VPS54: variants seen among roughly 807,000 people sequenced by gnomAD.
The protein encoded by VPS54 is vacuolar protein sorting-associated protein 54.
A neutral mutation model predicts 121.5 loss-of-function variants in VPS54; 45 were observed. That is an observed-to-expected ratio of 0.37 (90% CI 0.29 to 0.47). VPS54 has a LOEUF of 0.47. Among genes scored for constraint, VPS54 ranks in the 20% least tolerant of loss-of-function variants. The pLI, the probability that VPS54 is intolerant of heterozygous loss-of-function variation, is 0.99. For synonymous variants in VPS54, 371 were observed against 385.8 expected, an observed-to-expected ratio of 0.96 and a Z score of 0.45; for missense variants, 1,090 against 1,131.4, an observed-to-expected ratio of 0.96 and a Z score of 0.52.
At chr2:63,941,152 T>C (rs1281003458) in intron 11 of VPS54, among the ~76,000 whole-genome samples, 2 of 152,206 alleles carry the variant, frequency 1.3e-5, no homozygotes, top group Non-Finnish European at 2.9e-5. Context: ...ACTCAAAAAA[T>C]ATCTAATTTC....
intron 10 of VPS54, among the ~76,000 whole-genome samples, chr2:63,943,213 T>C (rs1487606190): frequency 6.6e-6 from 1 of 152,208 alleles, no homozygotes; most frequent in Non-Finnish European, 1.5e-5. Context: ...ACAGAAATCA[T>C]TAACTTCAAG....
intron 20 of VPS54, among the ~76,000 whole-genome samples, chr2:63,905,384 AAAG>A (rs1022621780): frequency 6.6e-6 from 1 of 152,164 alleles, no homozygotes; most frequent in Non-Finnish European, 1.5e-5. Context: ...ACTGACATTA[AAAG>A]AATAAAAGAA....
chr2:63,940,640 G>C (rs1674679057), intron 11 of VPS54, among the ~76,000 whole-genome samples: 2 of 152,100 alleles, frequency 1.3e-5, no homozygotes, highest in Admixed American at 6.5e-5. Flanking sequence ...ATAATGATGA[G>C]TGAAAAAAAT....
intron 1 of VPS54, among the ~76,000 whole-genome samples, chr2:64,006,777 C>T (rs569260825): frequency 1.3e-5 from 2 of 152,300 alleles, no homozygotes; most frequent in African/African-American, 4.8e-5. Flanking sequence ...TGCCACCACG[C>T]CCAGCTAATT....
At chr2:63,968,915 C>G (rs370804443) in intron 5 of VPS54, 42 bp downstream of exon 5, 1 of 1,533,254 alleles carries the variant, frequency 6.5e-7, no homozygotes, top group African/African-American at 1.4e-5. Context: ...AATTAAAGAT[C>G]AAATATTATA....
intron 11 of VPS54, among the ~76,000 whole-genome samples, chr2:63,936,578 TG>T (rs1346809859): frequency 6.6e-6 from 1 of 152,116 alleles, no homozygotes; most frequent in Non-Finnish European, 1.5e-5. Context: ...TACAACAAAA[TG>T]AAATTTAAAA....
At chr2:63,919,829 AAAAT>A (rs2104449503) in intron 15 of VPS54, 50 bp downstream of exon 15, 1 of 1,343,770 alleles carries the variant, frequency 7.4e-7, no homozygotes, top group East Asian at 2.7e-5. Flanking sequence ...GCATTAATAC[AAAAT>A]AAATAAACAA....
intron 10 of VPS54, 99 bp from the exon 11 acceptor site, chr2:63,942,660 A>T: frequency 2.1e-6 from 2 of 953,816 alleles, no homozygotes; most frequent in Non-Finnish European, 3.1e-6. Context: ...CTATCTAGTG[A>T]TAAAATGCAA....
chr2:63,953,340 C>T (rs1239930993), intron 7 of VPS54, among the ~76,000 whole-genome samples: 1 of 152,020 alleles, frequency 6.6e-6, no homozygotes, highest in Non-Finnish European at 1.5e-5. Flanking sequence ...ACCATATTGG[C>T]CAGGCTGGTT....
At position 63,913,208 on chromosome 2, in the gene VPS54, C is replaced by T. The variant is rs751008435; in HGVS notation, c.2422+15G>A. ...TTAACACTTCAGCAAGTGAATTAAA[C>T]GCAAGAATCCATACCCAAATTTTTT... On this transcript the variant is annotated intron_variant, in intron 18 of 22. Transcript: ENST00000272322. The T allele has an allele frequency of 4.7e-5, 76 of 1,601,720 alleles. No homozygotes were observed. The highest frequency in any genetic ancestry group is 4.0e-4 in the Admixed American group (23 of 58,104).
chr2:63,960,470 C>A (rs1156620480), intron 7 of VPS54, among the ~76,000 whole-genome samples: 1 of 152,016 alleles, frequency 6.6e-6, no homozygotes. Flanking sequence ...GAGTATTGAC[C>A]ATAAACTTAT....
At chr2:63,983,690 C>T (rs537030534) in intron 2 of VPS54, among the ~76,000 whole-genome samples, 174 bp downstream of exon 2, 1 of 152,180 alleles carries the variant, frequency 6.6e-6, no homozygotes, top group East Asian at 1.9e-4. Flanking sequence ...GAACCGCCCA[C>T]CTCAGCCTCC....
At chr2:63,925,282 T>C (rs1440220105) in intron 12 of VPS54, among the ~76,000 whole-genome samples, 1 of 152,190 alleles carries the variant, frequency 6.6e-6, no homozygotes, top group African/African-American at 2.4e-5. Context: ...AATGAATGTA[T>C]GAAAAGGTGC....
chr2:63,995,040 G>A (rs542975072), intron 1 of VPS54, among the ~76,000 whole-genome samples: 2 of 152,274 alleles, frequency 1.3e-5, no homozygotes, highest in African/African-American at 4.8e-5. Flanking sequence ...CTGAGGCCTC[G>A]TATGATATTC....
chr2:63,977,094 G>T (rs1266813961), intron 3 of VPS54, among the ~76,000 whole-genome samples: 1 of 152,120 alleles, frequency 6.6e-6, no homozygotes, highest in Non-Finnish European at 1.5e-5. Context: ...CTCCCAAAGT[G>T]CTGGGATTAC....
chr2:64,011,534 C>T (rs571061408), intron 1 of VPS54, among the ~76,000 whole-genome samples: 115 of 152,120 alleles, frequency 7.6e-4, no homozygotes, highest in Non-Finnish European at 1.4e-3. Context: ...CCACTGCACT[C>T]CAGCTTAGCA....
chr2:63,976,930 G>A (rs1363318682), intron 3 of VPS54, among the ~76,000 whole-genome samples: 2 of 145,964 alleles, frequency 1.4e-5, no homozygotes, highest in East Asian at 2.0e-4. Context: ...CCAGGTTCAC[G>A]TGATTCTCTT....
chr2:63,954,248 G>C (rs1675389504), intron 7 of VPS54, among the ~76,000 whole-genome samples: 1 of 152,096 alleles, frequency 6.6e-6, no homozygotes, highest in Non-Finnish European at 1.5e-5. Context: ...AGGAAATCAT[G>C]TCAAAAAGAC....
At chr2:63,916,305 C>A (rs889163108) in intron 16 of VPS54, among the ~76,000 whole-genome samples, 8 of 151,762 alleles carry the variant, frequency 5.3e-5, no homozygotes, top group African/African-American at 1.9e-4. Flanking sequence ...TAGTACTAGA[C>A]AAAAAAAGAT....
Sources: allele counts gnomAD v4.1 joint callset (sites outside exome capture counted in the v4.1 genomes callset), GRCh38; gene constraint gnomAD v4.1.1; transcripts MANE v1.5; gene names NCBI Gene and HGNC (gene_info 2026-07-23, HGNC 2026-07-21).